The following TUSC7 variants were observed in gnomAD, a reference collection of about 807,000 sequenced individuals.
TUSC7 encodes LSAMP antisense RNA 3.
At chr3:116,713,489 T>C (rs1282813068) in intron 1 of TUSC7, among the ~76,000 whole-genome samples, 2 of 152,210 alleles carry the variant, frequency 1.3e-5, no homozygotes, top group Non-Finnish European at 2.9e-5. Flanking sequence ...ACTTGTGTTT[T>C]GTTGCCTTCA....
At chr3:116,711,611 C>G (rs931988318) in intron 1 of TUSC7, among the ~76,000 whole-genome samples, 1 of 152,106 alleles carries the variant, frequency 6.6e-6, no homozygotes, top group Non-Finnish European at 1.5e-5. Context: ...ATACCACCTG[C>G]TAGAGGGTGA....
At chr3:116,715,821 A>T (rs1484440373) in intron 1 of TUSC7, among the ~76,000 whole-genome samples, 1 of 152,172 alleles carries the variant, frequency 6.6e-6, no homozygotes, top group African/African-American at 2.4e-5. Context: ...TTTACATTTG[A>T]TTTAAATTAT....
chr3:116,712,938 C>G (rs1400347386), intron 1 of TUSC7: 1 of 152,100 alleles, frequency 6.6e-6, no homozygotes, highest in East Asian at 1.9e-4. Flanking sequence ...CCAAGTGCTT[C>G]TACATGCATT....
intron 1 of TUSC7, among the ~76,000 whole-genome samples, chr3:116,713,666 A>G (rs1425183380): frequency 5.3e-5 from 8 of 152,188 alleles, no homozygotes; most frequent in Non-Finnish European, 1.2e-4. Flanking sequence ...CCTTTTGCAT[A>G]TCTAAGAAGC....
intron 1 of TUSC7, chr3:116,712,790 T>C (rs1028086572): frequency 6.6e-6 from 1 of 152,068 alleles, no homozygotes; most frequent in African/African-American, 2.4e-5. Flanking sequence ...CAAAATTAAG[T>C]CTGGAGAGAA....
intron 1 of TUSC7, among the ~76,000 whole-genome samples, chr3:116,714,669 A>G (rs961816369): frequency 6.6e-6 from 1 of 152,156 alleles, no homozygotes; most frequent in Admixed American, 6.5e-5. Context: ...CACTAGCCAC[A>G]TATCATTTTT....
At chr3:116,716,537 T>C (rs767776707) in intron 1 of TUSC7, 23 of 152,188 alleles carry the variant, frequency 1.5e-4, no homozygotes, top group Non-Finnish European at 2.8e-4. Context: ...AGGGGATTAA[T>C]CCTTCTGCTT....
intron 1 of TUSC7, among the ~76,000 whole-genome samples, chr3:116,713,791 C>A (rs1007445119): frequency 1.3e-5 from 2 of 152,102 alleles, no homozygotes; most frequent in African/African-American, 4.8e-5. Context: ...CATGGCAAAA[C>A]CCTGTCTCTA....
intron 1 of TUSC7, among the ~76,000 whole-genome samples, chr3:116,714,984 C>G (rs2051493925): frequency 6.6e-6 from 1 of 152,186 alleles, no homozygotes; most frequent in South Asian, 2.1e-4. Flanking sequence ...CTGTGTTCTG[C>G]ATATTCATGC....
chr3:116,717,021 G>A (rs1184318172), intron 1 of TUSC7: 4 of 152,126 alleles, frequency 2.6e-5, no homozygotes, highest in Non-Finnish European at 5.9e-5. Flanking sequence ...ATAAAATGAT[G>A]ACTATTGTGT....
intron 1 of TUSC7, among the ~76,000 whole-genome samples, chr3:116,714,694 T>G (rs1221942866): frequency 1.3e-5 from 2 of 152,158 alleles, no homozygotes; most frequent in African/African-American, 4.8e-5. Context: ...AGATTTAATT[T>G]TTAGGTTCAC....
chr3:116,713,593 A>G (rs2051480262), intron 1 of TUSC7, among the ~76,000 whole-genome samples: 1 of 152,216 alleles, frequency 6.6e-6, no homozygotes, highest in Non-Finnish European at 1.5e-5. Flanking sequence ...TTTTAAGCCT[A>G]AATCTGTAGA....
At chr3:116,714,873 T>C (rs894111642) in intron 1 of TUSC7, among the ~76,000 whole-genome samples, 9 of 152,206 alleles carry the variant, frequency 5.9e-5, no homozygotes, top group African/African-American at 1.2e-4. Flanking sequence ...TAGGGGTCAC[T>C]CTTGGTTTTG....
intron 1 of TUSC7, chr3:116,716,635 C>T (rs756283782): frequency 2.0e-5 from 3 of 152,164 alleles, no homozygotes; most frequent in Non-Finnish European, 4.4e-5. Flanking sequence ...CAAAAGAAAA[C>T]ACTGCCTATG....
intron 1 of TUSC7, among the ~76,000 whole-genome samples, chr3:116,711,726 T>C (rs1282227112): frequency 6.6e-6 from 1 of 152,094 alleles, no homozygotes; most frequent in African/African-American, 2.4e-5. Context: ...TAAAGATAAA[T>C]TAGGGCTGTA....
chr3:116,715,517 T>G (rs944685635), intron 1 of TUSC7, among the ~76,000 whole-genome samples: 5 of 152,194 alleles, frequency 3.3e-5, no homozygotes, highest in African/African-American at 1.2e-4. Context: ...TTTTAGGAAT[T>G]CTAGTATATG....
At chr3:116,712,290 C>T (rs1174173828) in intron 1 of TUSC7, 1 of 152,030 alleles carries the variant, frequency 6.6e-6, no homozygotes, top group Non-Finnish European at 1.5e-5. Context: ...TTTTATTTTC[C>T]CTAGGGACAA....
intron 1 of TUSC7, among the ~76,000 whole-genome samples, chr3:116,715,683 T>A (rs2051499561): frequency 6.6e-6 from 1 of 152,164 alleles, no homozygotes; most frequent in Non-Finnish European, 1.5e-5. Context: ...TTTCTTATTG[T>A]TGAATTTTAG....
At chr3:116,714,533 A>T (rs1274661211) in intron 1 of TUSC7, among the ~76,000 whole-genome samples, 4 of 152,166 alleles carry the variant, frequency 2.6e-5, no homozygotes, top group Admixed American at 2.6e-4. Context: ...GAGCCTGAGA[A>T]TCTGAACTTC....
Sources: gnomAD v4.1 joint callset for allele counts (sites outside exome capture counted in the v4.1 genomes callset) on GRCh38, gnomAD v4.1.1 for gene constraint, MANE v1.5 for transcripts, NCBI Gene and HGNC (gene_info 2026-07-23, HGNC 2026-07-21) for gene names.